Variants in TXNRD1 observed in about 807,000 individuals in gnomAD.
The protein encoded by TXNRD1 is thioredoxin reductase 1, cytoplasmic.
In TXNRD1, 57 loss-of-function variants were observed where a neutral mutation model predicts 80.3. The ratio of observed to expected loss-of-function variants is 0.71; its 90% CI spans 0.57 to 0.89. The LOEUF (loss-of-function observed/expected upper bound fraction) is 0.89. Ranked by LOEUF, TXNRD1 falls within the 40% of genes least tolerant of loss-of-function variation. TXNRD1 has a pLI of 0.00. For synonymous variants in TXNRD1, 291 were observed against 285.2 expected (o/e 1.02, Z -0.20); for missense variants, 730 against 803.0 (o/e 0.91, Z 1.10).
intron 1 of TXNRD1, among the ~76,000 whole-genome samples, chr12:104,235,575 G>C (rs1774294243): frequency 6.6e-6 from 1 of 152,144 alleles, no homozygotes; most frequent in Non-Finnish European, 1.5e-5. Flanking sequence ...CAGTAAAAGG[G>C]ATAATAAGGA....
Position 104,249,422 on chromosome 12 carries a change from T to C in TXNRD1, c.92-2105T>C, listed in dbSNP as rs146913918. Among the ~76,000 whole-genome samples, 6 of 152,268 alleles carry C rather than the reference T, an allele frequency of 3.9e-5. No homozygotes were observed. In the East Asian group the frequency reaches 1.2e-3, roughly 29 times the overall value. On this transcript the variant is annotated intron_variant, in intron 1 of 16. Coordinates refer to ENST00000525566, the MANE Select transcript of TXNRD1 (RefSeq NM_001093771.3). ...CGCTTATATCTCAAAGATAAGGAGA[T>C]TTCTATGTTCCTCTTCACTTTTCTA...
intron 3 of TXNRD1, among the ~76,000 whole-genome samples, chr12:104,272,966 G>T (rs1161371242): frequency 6.6e-6 from 1 of 151,168 alleles, no homozygotes; most frequent in Non-Finnish European, 1.5e-5. Flanking sequence ...CTCCAGCCTG[G>T]GTGACAAGAG....
chr12:104,269,399 CTTT>C (rs71069741), intron 3 of TXNRD1, among the ~76,000 whole-genome samples: 12 of 120,420 alleles, frequency 1.0e-4, no homozygotes, highest in East Asian at 2.1e-4. Flanking sequence ...GTGTTTCTTT[CTTT>C]TTTTTTTTTT....
chr12:104,309,687 C>CACT lies in TXNRD1; in HGVS notation c.415-1601_415-1599dup. On this transcript the variant is annotated intron_variant, in intron 4 of 16. Transcript: ENST00000525566. ...CTCTTTGAGACCCAGTAGGGAGTCA[C>CACT]ACTAGTTACTTGAAGCATAATTGAT... 4 of 1,154,876 alleles carry CACT rather than the reference C, an allele frequency of 3.5e-6. No homozygotes were observed. The South Asian group carries it at 5.9e-5, about 17-fold the overall frequency. 71.5% of individuals were successfully genotyped at this position (1,154,876 alleles called of 1,614,324 possible).
intron 3 of TXNRD1, among the ~76,000 whole-genome samples, chr12:104,276,161 C>A (rs10778317): frequency 0.68 from 102,475 of 151,602 alleles, 34,760 homozygotes; most frequent in East Asian, 0.85. Context: ...TTAAACGGCC[C>A]TGAATACAAG....
chr12:104,302,485 C>CTTTT (rs1565887593), intron 4 of TXNRD1, among the ~76,000 whole-genome samples: 11 of 31,782 alleles, frequency 3.5e-4, no homozygotes, highest in African/African-American at 1.6e-3. Context: ...GTATTCATTC[C>CTTTT]CTTTTTTTTT....
rs2035428721 is a variant in TXNRD1 at position 104,318,988 on chromosome 12, C to G, written c.806C>G (p.Ala269Gly). The G allele has an allele frequency of 1.2e-6, 2 of 1,613,798 alleles. No homozygotes were observed. Among genetic ancestry groups the G allele is most frequent in the Non-Finnish European group, 1.7e-6 (2 of 1,179,844 alleles). ...TCTTTGAATTGGGGCTACCGAGTAG[C>G]TCTGCGGGAGAAAAAAGTCGTCTAT... Reference protein sequence around the residue: ...IGSLNWGYRVALREKKVVYEN... With the variant: ...IGSLNWGYRVGLREKKVVYEN... The change falls in exon 8 of 17, where the codon GCT becomes GGT. Residue 269 changes from alanine (A) to glycine (G), a missense_variant. Coordinates refer to ENST00000525566, the MANE Select transcript of TXNRD1 (RefSeq NM_001093771.3).
At chr12:104,241,591 C>T (rs1202134888) in intron 1 of TXNRD1, among the ~76,000 whole-genome samples, 1 of 151,834 alleles carries the variant, frequency 6.6e-6, no homozygotes, top group Non-Finnish European at 1.5e-5. Flanking sequence ...TGGTCTCGAA[C>T]TCCTGACCTC....
rs553294226 is a variant in TXNRD1, at chr12:104,318,949, A to G, written c.767A>G (p.Gln256Arg). 38 of 1,613,940 alleles carry G rather than the reference A, an allele frequency of 2.4e-5. No homozygotes were observed. In the East Asian group the frequency reaches 7.8e-4, roughly 33 times the overall value. Residue 256 changes from glutamine (Q) to arginine (R), a missense_variant, in exon 8 of 17, where the codon CAG becomes CGG. Coordinates refer to ENST00000525566, the MANE Select transcript of TXNRD1 (RefSeq NM_001093771.3). Reference sequence around the variant, plus strand: ...TGGGACAGAATGATAGAAGCTGTACAGAATCACATTGGCTCTTTGAATTGG... The same window carrying G: ...TGGGACAGAATGATAGAAGCTGTACGGAATCACATTGGCTCTTTGAATTGG... ...HDWDRMIEAV[Q>R]NHIGSLNWGY...
chr12:104,337,187 G>A (rs4964783), intron 15 of TXNRD1, among the ~76,000 whole-genome samples: 72,646 of 151,594 alleles, frequency 0.48, 18,634 homozygotes, highest in East Asian at 0.62. Flanking sequence ...GTGCTTTTTA[G>A]TAGTTCCTCC....
intron 3 of TXNRD1, among the ~76,000 whole-genome samples, chr12:104,277,036 C>T (rs1183118042): frequency 6.6e-6 from 1 of 151,936 alleles, no homozygotes; most frequent in Non-Finnish European, 1.5e-5. Flanking sequence ...CTGCTTGAGC[C>T]CAGGAGTTTG....
intron 4 of TXNRD1, chr12:104,309,919 G>A: frequency 2.0e-6 from 3 of 1,536,098 alleles, no homozygotes; most frequent in Non-Finnish European, 2.6e-6. Context: ...CAGTCCCTGA[G>A]CCACTACGTA....
chr12:104,333,652 T>G lies in TXNRD1; in HGVS notation c.1651-585T>G, dbSNP rs140405684. On this transcript the variant is annotated intron_variant, in intron 14 of 16. Transcript: ENST00000525566. ...GCTAGCAGCTGGAGGAAAAAAAAAA[T>G]CCATTTAGTCAACCAGCAATTAAAT... Among the ~76,000 whole-genome samples, 1,381 of 152,134 alleles carry G rather than the reference T, an allele frequency of 9.1e-3. 26 individuals are homozygous for G. Among genetic ancestry groups the G allele is most frequent in the African/African-American group, 0.032 (1,316 of 41,486 alleles).
intron 2 of TXNRD1, among the ~76,000 whole-genome samples, chr12:104,256,148 A>G (rs1222052695): frequency 6.6e-6 from 1 of 152,180 alleles, no homozygotes; most frequent in East Asian, 1.9e-4. Context: ...GATATGAGTA[A>G]ATCAGAATAG....
Position 104,265,245 on chromosome 12 carries a change from C to T in TXNRD1, c.304+7166C>T, listed in dbSNP as rs1236668559. On this transcript the variant is annotated intron_variant, in intron 3 of 16. Transcript: ENST00000525566. ...CCAGCCTGGTGACAGAGTGAGACTC[C>T]GTCTTAAAAAAAAAAAAAAAAAAAC... 2.4e-4 allele frequency: 326 copies of T among 1,352,054 alleles called. 1 individual carries two copies. Among genetic ancestry groups the T allele is most frequent in the Middle Eastern group, 2.3e-3 (9 of 3,962 alleles). The allele number at this position is 1,352,054 out of a possible 1,614,324, so 83.8% of individuals were successfully genotyped here. A position where few individuals can be genotyped will look rare whatever the true frequency, so the allele number is the denominator to read the frequency against.
Position 104,321,207 on chromosome 12 carries a change from T to C in TXNRD1, c.1106T>C (p.Met369Thr), listed in dbSNP as rs772961907. ...LAGIGLDVTV[M>T]VRSILLRGFD... Reference sequence around the variant, plus strand: ...GGTATTGGTTTAGACGTCACTGTTATGGTTAGGTCCATTCTTCTTAGAGGA... The same window carrying C: ...GGTATTGGTTTAGACGTCACTGTTACGGTTAGGTCCATTCTTCTTAGAGGA... The change falls in exon 10 of 17, where the codon ATG (methionine) becomes ACG (threonine). Residue 369 changes from methionine to threonine, a missense_variant. By Grantham distance (81) the Met-to-Thr change is moderately conservative. Transcript: ENST00000525566. 4 of 1,613,992 alleles carry C rather than the reference T, an allele frequency of 2.5e-6. No homozygotes were observed. The highest frequency in any genetic ancestry group is 4.5e-5 in the East Asian group (2 of 44,880).
intron 1 of TXNRD1, among the ~76,000 whole-genome samples, chr12:104,216,596 C>T (rs1197478969): frequency 6.6e-6 from 1 of 152,202 alleles, no homozygotes; most frequent in East Asian, 1.9e-4. Context: ...AATCTTGGTT[C>T]ATGTTTCCAG....
At chr12:104,345,475 G>C (rs1300238885) in intron 16 of TXNRD1, among the ~76,000 whole-genome samples, 1 of 152,198 alleles carries the variant, frequency 6.6e-6, no homozygotes, top group African/African-American at 2.4e-5. Context: ...TAGAATTCTA[G>C]AATTGCTGTA....
At chr12:104,266,971 T>TAAATA (rs935892793) in intron 3 of TXNRD1, among the ~76,000 whole-genome samples, 9 of 136,386 alleles carry the variant, frequency 6.6e-5, no homozygotes, top group Non-Finnish European at 1.3e-4. Context: ...CAAAAATAAA[T>TAAATA]AAATAAAATA....
Sources: gnomAD v4.1 joint callset for allele counts (sites outside exome capture counted in the v4.1 genomes callset) on GRCh38, gnomAD v4.1.1 for gene constraint, MANE v1.5 for transcripts, NCBI Gene and HGNC (gene_info 2026-07-23, HGNC 2026-07-21) for gene names.